The following TCF7 variants were observed in gnomAD, a reference collection of about 807,000 sequenced individuals.
TCF7 encodes transcription factor 7, also known as T-cell-factor-7.
In TCF7, 19 loss-of-function variants were observed where a neutral mutation model predicts 46.8. That is an observed-to-expected ratio of 0.41 (90% CI 0.28 to 0.60). The LOEUF is 0.60. Ranked by LOEUF, TCF7 falls within the 20% of genes least tolerant of loss-of-function variation. The pLI, the probability that TCF7 is intolerant of heterozygous loss-of-function variation, is 0.35. For synonymous variants in TCF7, 245 were observed against 213.4 expected, an observed-to-expected ratio of 1.15 and a Z score of -1.29; for missense variants, 547 against 504.6, an observed-to-expected ratio of 1.08 and a Z score of -0.81.
rs146231569 is a variant in TCF7 at position 134,131,334 on chromosome 5, T to TG, written c.442-6722dup. On this transcript the variant is annotated intron_variant, in intron 3 of 9. Transcript: ENST00000342854. ...AAGAATGTATCATGCCCACCTCAAG[T>TG]GGGTTGTCACACGTGGCATTTATGT... Among the ~76,000 whole-genome samples the TG allele has an allele frequency of 6.9e-3, 1,048 of 152,304 alleles. 7 individuals are homozygous for TG. Among genetic ancestry groups the TG allele is most frequent in the African/African-American group, 0.024 (1,000 of 41,556 alleles).
At chr5:134,112,298 T>G (rs567500927), upstream of TCF7, among the ~76,000 whole-genome samples, 3 of 152,300 alleles carry the variant, frequency 2.0e-5, no homozygotes, top group African/African-American at 7.2e-5. Flanking sequence ...CTCTAATAAC[T>G]CTTCAGCTTC....
chr5:134,145,753 C>T, intron 9 of TCF7: 1 of 1,613,860 alleles, frequency 6.2e-7, no homozygotes, highest in Non-Finnish European at 8.5e-7. Context: ...ACAAACTGGC[C>T]CAGAGAACTC....
intron 3 of TCF7, among the ~76,000 whole-genome samples, chr5:134,135,895 T>A (rs1758789592): frequency 6.6e-6 from 1 of 152,140 alleles, no homozygotes; most frequent in Non-Finnish European, 1.5e-5. Flanking sequence ...GCAAGCCAAG[T>A]GAAGAAACTC....
At chr5:134,129,600 T>A (rs1561669297) in intron 3 of TCF7, among the ~76,000 whole-genome samples, 2 of 152,254 alleles carry the variant, frequency 1.3e-5, no homozygotes. Context: ...CATCCTGTCC[T>A]GAGGGGCGTT....
chr5:134,115,356 C>G lies in TCF7; in HGVS notation c.285C>G (p.Phe95Leu), dbSNP rs1755654883. 6.2e-7 allele frequency: 1 copy of G among 1,602,338 alleles called. No individual in the cohort carries two copies. Among genetic ancestry groups the G allele is most frequent in the Non-Finnish European group, 8.5e-7 (1 of 1,175,224 alleles). Reference protein sequence around the residue: ...LGREHAAQRLFPDKLPEPLED... With the variant: ...LGREHAAQRLLPDKLPEPLED... The stretch of plus-strand genomic sequence containing the variant: ...GGGAACACGCTGCGCAGAGACTCTT[C>G]CCGGACAAACTTCCAGAGCCCCTGG... The change falls in exon 2 of 10, where the codon TTC becomes TTG. Residue 95 changes from phenylalanine (F) to leucine (L), a missense_variant. By Grantham distance (22) the Phe-to-Leu change is conservative. Coordinates refer to ENST00000342854, the MANE Select transcript of TCF7 (RefSeq NM_003202.5).
intron 3 of TCF7, among the ~76,000 whole-genome samples, chr5:134,119,438 T>C (rs1310746041): frequency 2.0e-5 from 3 of 152,188 alleles, no homozygotes; most frequent in African/African-American, 7.2e-5. Flanking sequence ...CTTATGAATA[T>C]ACTAAAAGCC....
intron 3 of TCF7, chr5:134,137,802 A>G (rs1759111591): frequency 2.8e-6 from 1 of 357,376 alleles, no homozygotes; most frequent in East Asian, 4.4e-5. Flanking sequence ...TTTTCTGGAC[A>G]GGGGAGACGC....
chr5:134,112,954 C>T (rs539983084), upstream of TCF7, among the ~76,000 whole-genome samples: 1 of 152,178 alleles, frequency 6.6e-6, no homozygotes, highest in Non-Finnish European at 1.5e-5. Context: ...CCTACAAACA[C>T]ATGAGGACCC....
upstream of TCF7, among the ~76,000 whole-genome samples, chr5:134,113,552 A>G (rs1184937045): frequency 1.3e-5 from 2 of 152,192 alleles, no homozygotes; most frequent in Non-Finnish European, 2.9e-5. Flanking sequence ...CTCTATCCCA[A>G]CTGCTCTCAG....
chr5:134,145,607 C>T, intron 9 of TCF7: 1 of 885,550 alleles, frequency 1.1e-6, no homozygotes, highest in Non-Finnish European at 1.8e-6. Flanking sequence ...CTTGTCCAGC[C>T]TCTCAGTGTA....
chr5:134,116,875 G>C (rs1347228683), intron 3 of TCF7, among the ~76,000 whole-genome samples: 2 of 152,248 alleles, frequency 1.3e-5, no homozygotes, highest in African/African-American at 4.8e-5. Context: ...GTGAAGGTAC[G>C]TGGAAGGTTT....
At chr5:134,143,211 T>C in intron 8 of TCF7, 111 bp downstream of exon 8, 1 of 1,221,690 alleles carries the variant, frequency 8.2e-7, no homozygotes, top group Admixed American at 2.0e-5. Flanking sequence ...AAGGCACCGA[T>C]GAGGAAGGGC....
intron 3 of TCF7, among the ~76,000 whole-genome samples, chr5:134,132,751 G>T (rs3867427): frequency 2.6e-5 from 4 of 151,756 alleles, no homozygotes; most frequent in African/African-American, 7.3e-5. Context: ...GTGCGGGTTG[G>T]GGGGGTGGTG....
chr5:134,117,706 G>A (rs1756012476), intron 3 of TCF7, among the ~76,000 whole-genome samples: 1 of 152,244 alleles, frequency 6.6e-6, no homozygotes, highest in Admixed American at 6.5e-5. Flanking sequence ...GGACAGTGGA[G>A]GAGGCACACC....
rs1206601793 is a variant in TCF7, at chr5:134,115,501, G to A, written c.316+114G>A. 10 of 1,489,382 alleles carry A rather than the reference G, an allele frequency of 6.7e-6. No homozygotes were observed. In the East Asian group the frequency reaches 1.8e-4, roughly 28 times the overall value. 92.3% of individuals were successfully genotyped at this position (1,489,382 alleles called of 1,614,324 possible). On this transcript the variant is annotated intron_variant, in intron 2 of 9. Coordinates refer to ENST00000342854, the MANE Select transcript of TCF7 (RefSeq NM_003202.5). ...GTGCCTCCCCCACCGCAGCTCAGGA[G>A]GCGGCAGAACCCAGGGGTGGAGAGT...
intron 5 of TCF7, chr5:134,140,912 GGCTCCT>G: frequency 2.7e-6 from 1 of 374,098 alleles, no homozygotes; most frequent in Non-Finnish European, 5.3e-6. Context: ...ACTGCAGCTA[GGCTCCT>G]GCTTCCTGTT....
intron 3 of TCF7, among the ~76,000 whole-genome samples, chr5:134,130,253 C>T (rs1016149799): frequency 3.9e-5 from 6 of 152,250 alleles, no homozygotes; most frequent in African/African-American, 1.4e-4. Context: ...GTCCCGCCCC[C>T]CAGGAAGTCG....
Position 134,114,700 on chromosome 5 carries a change from T to C in TCF7, c.-207T>C, listed in dbSNP as rs1165742113. On this transcript the variant is annotated 5_prime_UTR_variant, in exon 1 of 10. Transcript: ENST00000342854. ...CCCGGCACTCGGCCGGCGGCGCCTTTGATGTTCCGACCCGCCAGCTCGCGG... is the reference window on the plus strand; with the variant it reads ...CCCGGCACTCGGCCGGCGGCGCCTTCGATGTTCCGACCCGCCAGCTCGCGG... 7.8e-6 allele frequency: 2 copies of C among 256,174 alleles called. No individual in the cohort carries two copies. Among genetic ancestry groups the C allele is most frequent in the East Asian group, 1.9e-4 (1 of 5,210 alleles). The allele number at this position is 256,174 out of a possible 1,614,324, so 15.9% of individuals were successfully genotyped here.
At position 134,115,341 on chromosome 5, in the gene TCF7, T is replaced by C; in HGVS notation, c.270T>C (p.Ala90=). 1 of 1,597,040 alleles carries C rather than the reference T, an allele frequency of 6.3e-7. No homozygotes were observed. Among genetic ancestry groups the C allele is most frequent in the Non-Finnish European group, 8.5e-7 (1 of 1,172,776 alleles). The change falls in exon 2 of 10, where the codon GCT becomes GCC. Residue 90 remains alanine (A), a synonymous_variant. Transcript: ENST00000342854. ...GEAEALGREH[A]AQRLFPDKLP... is the part of the protein sequence containing the mutation. Reference sequence around the variant, plus strand: ...TCCAGGCTCTCGGGCGGGAACACGCTGCGCAGAGACTCTTCCCGGACAAAC... The same window carrying C: ...TCCAGGCTCTCGGGCGGGAACACGCCGCGCAGAGACTCTTCCCGGACAAAC...
Sources: gnomAD v4.1 joint callset for allele counts (sites outside exome capture counted in the v4.1 genomes callset) on GRCh38, gnomAD v4.1.1 for gene constraint, MANE v1.5 for transcripts, NCBI Gene and HGNC (gene_info 2026-07-23, HGNC 2026-07-21) for gene names.